GSDME: variants seen among roughly 807,000 people sequenced by gnomAD.
GSDME encodes the protein gasdermin E, also known as gasdermin-E.
GSDME carries 44 observed loss-of-function variants against 47.5 expected under a neutral mutation model. That is an observed-to-expected ratio of 0.93 (90% CI 0.73 to 1.19). GSDME has a LOEUF of 1.19. Ranked by LOEUF, GSDME falls within the 50% of genes most tolerant of loss-of-function variation. The pLI is 0.00. For synonymous variants in GSDME, 258 were observed against 252.8 expected (o/e 1.02, Z -0.20); for missense variants, 663 against 604.2 (o/e 1.10, Z -1.02).
Position 24,706,183 on chromosome 7 carries a change from C to T in GSDME, c.1183+1G>A, listed in dbSNP as rs1554322596. ...TTTCTTTCATTTTCTTTTCTCCTTA[C>T]CTGCGAGGGCACTGACCAAGAAGTA... On this transcript the variant is annotated splice_donor_variant, in intron 8 of 9. Transcript: ENST00000645220. LOFTEE classifies it high-confidence loss of function. 6.2e-7 allele frequency: 1 copy of T among 1,614,106 alleles called. No homozygotes were observed. The highest frequency in any genetic ancestry group is 8.5e-7 in the Non-Finnish European group (1 of 1,180,052).
In GSDME at chr7:24,699,091, C is replaced by T. The variant is rs1242527317; in HGVS notation, c.1426G>A (p.Val476Ile). ...VKAVILKDSK[V>I]FPLLLCITLN... ...GTTATACAAAGAAGCAGTGGGAAGA[C>T]TTTAGAGTCCTTCAGAATGACAGCT... Residue 476 changes from valine to isoleucine, a missense_variant, in exon 10 of 10, where the codon GTC (valine) becomes ATC (isoleucine). Transcript: ENST00000645220. The T allele has an allele frequency of 4.3e-6, 7 of 1,614,020 alleles. No homozygotes were observed. Among genetic ancestry groups the T allele is most frequent in the South Asian group, 1.1e-5 (1 of 91,078 alleles).
the GSDME span, among the ~76,000 whole-genome samples, chr7:24,763,416 C>T: frequency 6.6e-6 from 1 of 151,536 alleles, no homozygotes; most frequent in Non-Finnish European, 1.5e-5. The surrounding 1 kb of genome is among the most constrained non-coding windows in gnomAD (Gnocchi z 4.3). Flanking sequence ...GGTGATCCAA[C>T]TCAAACACTG....
At chr7:24,708,852 T>C (rs1206450699) in intron 6 of GSDME, among the ~76,000 whole-genome samples, 3 of 152,266 alleles carry the variant, frequency 2.0e-5, no homozygotes, top group Admixed American at 1.3e-4. Flanking sequence ...CTCTGCAGGA[T>C]GCTTAGGGGC....
intron 2 of GSDME, among the ~76,000 whole-genome samples, chr7:24,748,170 T>TATA (rs1562714977): frequency 1.4e-5 from 2 of 140,486 alleles, no homozygotes; most frequent in African/African-American, 2.5e-5. Context: ...ATATATATAT[T>TATA]TTTTTTTGAG....
At position 24,706,328 on chromosome 7, in the gene GSDME, C is replaced by G. The variant is rs1361645427; in HGVS notation, c.1039G>C (p.Glu347Gln). The G allele has an allele frequency of 6.2e-7, 1 of 1,613,262 alleles. No homozygotes were observed. Among genetic ancestry groups the G allele is most frequent in the Non-Finnish European group, 8.5e-7 (1 of 1,179,916 alleles). Residue 347 changes from glutamate to glutamine, a missense_variant, in exon 8 of 10, where the codon GAG (glutamate) becomes CAG (glutamine). Coordinates refer to ENST00000645220, the MANE Select transcript of GSDME (RefSeq NM_001127453.2). ...TCCTGCTGCTGCCGGGGCTTCAGCTCCCCCAGCACCGCCACTGTGGGCGAG... is the reference window on the plus strand; with the variant it reads ...TCCTGCTGCTGCCGGGGCTTCAGCTGCCCCAGCACCGCCACTGTGGGCGAG... ...GLSPTVAVLG[E>Q]LKPRQQQDLV... is the part of the protein sequence containing the mutation.
chr7:24,710,581 C>T, intron 5 of GSDME, 193 bp from the exon 6 acceptor site: 1 of 598,804 alleles, frequency 1.7e-6, no homozygotes, highest in Non-Finnish European at 3.0e-6. Context: ...CAGCCACTTC[C>T]AACAAATAAG....
chr7:24,776,910 A>G, the GSDME span, among the ~76,000 whole-genome samples: 1 of 152,134 alleles, frequency 6.6e-6, no homozygotes, highest in Non-Finnish European at 1.5e-5. Context: ...CAAACTATTA[A>G]CAGTGTTTTC....
At chr7:24,752,275 T>C (rs2248149) in intron 1 of GSDME, among the ~76,000 whole-genome samples, 27,494 of 152,182 alleles carry the variant, frequency 0.18, 6,297 homozygotes, top group African/African-American at 0.54. Flanking sequence ...ACTCTTGCAC[T>C]GGAATGCAGC....
At chr7:24,780,054 CA>C in the GSDME span, among the ~76,000 whole-genome samples, 2 of 152,246 alleles carry the variant, frequency 1.3e-5, no homozygotes, top group Non-Finnish European at 2.9e-5. This position sits in a 1 kb window ranked among gnomAD's most constrained non-coding sequence, Gnocchi z 4.1. Flanking sequence ...TGCCCACATA[CA>C]AAGAGAATTA....
chr7:24,744,396 C>T lies in GSDME; in HGVS notation c.404+166G>A, dbSNP rs1790581970. 2 of 791,792 alleles carry T rather than the reference C, an allele frequency of 2.5e-6. No homozygotes were observed. Among genetic ancestry groups the T allele is most frequent in the South Asian group, 1.6e-5 (1 of 63,480 alleles). The allele number at this position is 791,792 out of a possible 1,614,324, so 49.0% of individuals were successfully genotyped here. ...TCAGGCTAAGAACAGTCAAGCAATT[C>T]CAGACTAAAGAATGTGCTCCTCATG... On this transcript the variant is annotated intron_variant, in intron 3 of 9. Coordinates refer to ENST00000645220, the MANE Select transcript of GSDME (RefSeq NM_001127453.2). This position sits in a 1 kb window ranked among gnomAD's most constrained non-coding sequence, Gnocchi z 4.5.
In GSDME at chr7:24,710,270, C is replaced by A; in HGVS notation, c.816G>T (p.Ala272=). The A allele has an allele frequency of 6.2e-7, 1 of 1,614,190 alleles. No homozygotes were observed. The highest frequency in any genetic ancestry group is 2.2e-5 in the East Asian group (1 of 44,888). ...EFAFIDMPDA[A]HGISSQDGPL... ...GTCCATCCTGGGAAGATATCCCATG[C>A]GCAGCATCTGGCATGTCTATGAATG... is the stretch of plus-strand genomic sequence containing the variant. Residue 272 remains alanine (A), a synonymous_variant, in exon 6 of 10, where the codon GCG becomes GCT. Coordinates refer to ENST00000645220, the MANE Select transcript of GSDME (RefSeq NM_001127453.2).
rs535219537 is a variant in GSDME at position 24,704,873 on chromosome 7, A to G, written c.1183+1311T>C. On this transcript the variant is annotated intron_variant, in intron 8 of 9. Coordinates refer to ENST00000645220, the MANE Select transcript of GSDME (RefSeq NM_001127453.2). ...TGCCTGGCTAATTTATTTTTTGTAC[A>G]GATGAGGTCTTGCCATGTTCCCTAG... 1.1e-4 allele frequency: 17 copies of G among 152,312 alleles called. No individual in the cohort carries two copies. In the East Asian group the frequency reaches 2.7e-3, roughly 24 times the overall value. The allele number at this position is 152,312 out of a possible 1,614,324, so 9.4% of individuals were successfully genotyped here. A position where few individuals can be genotyped will look rare whatever the true frequency, so the allele number is the denominator to read the frequency against.
At chr7:24,709,251 T>C (rs1017602298) in intron 6 of GSDME, among the ~76,000 whole-genome samples, 10 of 152,204 alleles carry the variant, frequency 6.6e-5, no homozygotes, top group African/African-American at 2.2e-4. Context: ...AGGGTGGGCC[T>C]GTGGGCAGGA....
At chr7:24,723,729 C>T (rs551782156) in intron 3 of GSDME, among the ~76,000 whole-genome samples, 1 of 152,250 alleles carries the variant, frequency 6.6e-6, no homozygotes, top group Non-Finnish European at 1.5e-5. Context: ...TCTCCCTCTT[C>T]TGGGTGAGGG....
intron 5 of GSDME, chr7:24,715,433 G>C (rs1188976441): frequency 2.1e-6 from 1 of 470,686 alleles, no homozygotes; most frequent in East Asian, 7.0e-5. Context: ...CAATGTCTAT[G>C]TCTATTGAAT....
chr7:24,704,548 T>G (rs1349036855), intron 8 of GSDME: 1 of 152,154 alleles, frequency 6.6e-6, no homozygotes, highest in Non-Finnish European at 1.5e-5. Flanking sequence ...GGGACTGACA[T>G]ATAAATGAGA....
intron 3 of GSDME, among the ~76,000 whole-genome samples, chr7:24,727,683 G>C (rs931517899): frequency 1.3e-5 from 2 of 152,326 alleles, no homozygotes; most frequent in Middle Eastern, 3.4e-3. Flanking sequence ...CATTAAGTGG[G>C]AAAGTCTGCT....
Position 24,749,803 on chromosome 7 carries a change from TA to T in GSDME, c.-19-11del. Reference sequence around the variant, plus strand: ...GAAAGCTCCAGATTATCTGAAAAAGTAAAGTTATCCTAAAATCAAATAAGAA... The same window carrying T: ...GAAAGCTCCAGATTATCTGAAAAAGTAAGTTATCCTAAAATCAAATAAGAA... On this transcript the variant is annotated splice_polypyrimidine_tract_variant and intron_variant, in intron 1 of 9. Transcript: ENST00000645220. The T allele has an allele frequency of 1.9e-6, 3 of 1,561,548 alleles. No homozygotes were observed. Among genetic ancestry groups the T allele is most frequent in the Non-Finnish European group, 2.6e-6 (3 of 1,134,410 alleles).
In GSDME at chr7:24,754,507, T is replaced by G. The variant is rs981526663; in HGVS notation, c.-20+2889A>C. ...TCTCAAAAAAAAAAAAAAAAAGTTG[T>G]ATTAGCAAACAGTCCTTAGTCTGGC... On this transcript the variant is annotated intron_variant, in intron 1 of 9. Coordinates refer to ENST00000645220, the MANE Select transcript of GSDME (RefSeq NM_001127453.2). This position sits in a 1 kb window ranked among gnomAD's most constrained non-coding sequence, Gnocchi z 5.0. 2.3e-4 allele frequency among the ~76,000 whole-genome samples: 34 copies of G among 151,056 alleles called. No homozygotes were observed. The highest frequency in any genetic ancestry group is 1.8e-3 in the Admixed American group (27 of 15,164).
Sources: gnomAD v4.1 joint callset for allele counts (sites outside exome capture counted in the v4.1 genomes callset) on GRCh38, gnomAD v4.1.1 for gene constraint, Gnocchi (gnomAD v3.1) non-coding constraint, MANE v1.5 for transcripts, NCBI Gene and HGNC (gene_info 2026-07-23, HGNC 2026-07-21) for gene names.